PCDHGB5: variants seen among roughly 807,000 people sequenced by gnomAD.
The protein encoded by PCDHGB5 is protocadherin gamma-B5.
PCDHGB5 carries 48 observed loss-of-function variants against 62.9 expected under a neutral mutation model. That is an observed-to-expected ratio of 0.76 (90% CI 0.61 to 0.97). PCDHGB5 has a LOEUF of 0.97. Among genes scored for constraint, PCDHGB5 ranks in the 50% least tolerant of loss-of-function variants. PCDHGB5 has a pLI of 0.00. For synonymous variants in PCDHGB5, 474 were observed against 511.2 expected (o/e 0.93, Z 0.98); for missense variants, 1,118 against 1,198.6 (o/e 0.93, Z 0.99).
At chr5:141,423,091 G>C (rs1243671863) in intron 1 of PCDHGB5, 11 of 1,613,908 alleles carry the variant, frequency 6.8e-6, no homozygotes, top group South Asian at 2.2e-5. Context: ...CGCGGTGGGG[G>C]AGCACACGGG....
At chr5:141,404,897 C>A in intron 1 of PCDHGB5, 1 of 1,613,920 alleles carries the variant, frequency 6.2e-7, no homozygotes, top group African/African-American at 1.3e-5. Context: ...TGTACAGGAC[C>A]ATGGCCAGCC....
chr5:141,491,500 G>A lies in PCDHGB5; in HGVS notation c.2398-3307G>A. ...CAGCCCCAACCTGCAGGTGAGCTCG[G>A]ACGGCACGCTCAAGTACATGGAGGT... On this transcript the variant is annotated intron_variant, in intron 1 of 3. Transcript: ENST00000617380. The surrounding 1 kb of genome is among the most constrained non-coding windows in gnomAD (Gnocchi z 6.9). 3 of 1,614,102 alleles carry A rather than the reference G, an allele frequency of 1.9e-6. No homozygotes were observed. The highest frequency in any genetic ancestry group is 2.7e-5 in the African/African-American group (2 of 75,066).
intron 1 of PCDHGB5, chr5:141,427,083 C>T: frequency 2.2e-6 from 1 of 458,128 alleles, no homozygotes; most frequent in South Asian, 1.5e-5. Flanking sequence ...AGCCACTGAC[C>T]AGGATGAGGG....
At chr5:141,510,863 A>G in intron 3 of PCDHGB5, 84 bp from the exon 4 acceptor site, 1 of 1,607,492 alleles carries the variant, frequency 6.2e-7, no homozygotes, top group African/African-American at 1.3e-5. Flanking sequence ...CTGTATAGGC[A>G]TTCATTAACT....
At chr5:141,418,563 C>T in intron 1 of PCDHGB5, 2 of 1,613,998 alleles carry the variant, frequency 1.2e-6, no homozygotes, top group Non-Finnish European at 1.7e-6. Context: ...GTAATAGATG[C>T]CAATGACAAC....
chr5:141,414,843 G>T (rs2095794241), intron 1 of PCDHGB5: 1 of 1,614,100 alleles, frequency 6.2e-7, no homozygotes, highest in Admixed American at 1.7e-5. Context: ...GCCTGTTTGT[G>T]CTGGACCAGA....
chr5:141,414,263 A>G, intron 1 of PCDHGB5: 1 of 1,613,500 alleles, frequency 6.2e-7, no homozygotes, highest in Non-Finnish European at 8.5e-7. Flanking sequence ...GTGACTGAAG[A>G]TTCACCTCTG....
intron 1 of PCDHGB5, chr5:141,409,866 G>A (rs1268327848): frequency 3.7e-6 from 6 of 1,612,258 alleles, no homozygotes; most frequent in East Asian, 4.5e-5. Context: ...GTGGGAGACC[G>A]CAATGACAAC....
Position 141,510,868 on chromosome 5 carries a change from T to C in PCDHGB5, c.2546-79T>C, listed in dbSNP as rs2099883142. 40 of 1,608,466 alleles carry C rather than the reference T, an allele frequency of 2.5e-5. No homozygotes were observed. The Middle Eastern group carries it at 4.9e-4, about 20-fold the overall frequency. On this transcript the variant is annotated intron_variant, in intron 3 of 3. Transcript: ENST00000617380. The stretch of plus-strand genomic sequence containing the variant: ...GCCCAGGGTGCTGTATAGGCATTCA[T>C]TAACTGCTGGGGATATAAGACAGTG...
At chr5:141,478,488 G>A in intron 1 of PCDHGB5, 1 of 1,613,320 alleles carries the variant, frequency 6.2e-7, no homozygotes, top group Non-Finnish European at 8.5e-7. Context: ...ACGCTGCGGA[G>A]CTGTGATCCG....
intron 1 of PCDHGB5, among the ~76,000 whole-genome samples, chr5:141,402,439 G>C (rs1278186410): frequency 6.6e-6 from 1 of 151,914 alleles, no homozygotes; most frequent in East Asian, 1.9e-4. Context: ...TCATAAAAAG[G>C]AAATTATAAT....
rs1485520054 is a variant in PCDHGB5 at position 141,511,210 on chromosome 5, C to T, written c.*37C>T. 6.2e-7 allele frequency: 1 copy of T among 1,609,328 alleles called. No individual in the cohort carries two copies. The highest frequency in any genetic ancestry group is 1.3e-5 in the African/African-American group (1 of 74,896). ...GGCCAAGAGCCACAGGGCGGCCTCT[C>T]CCCAACCAGCCCAGCTTCTCCTTAC... On this transcript the variant is annotated 3_prime_UTR_variant, in exon 4 of 4. Transcript: ENST00000617380.
intron 1 of PCDHGB5, among the ~76,000 whole-genome samples, chr5:141,480,098 T>C (rs1415853757): frequency 6.6e-6 from 1 of 152,168 alleles, no homozygotes. Context: ...GTATGCAAAG[T>C]GTTTAGCATG....
chr5:141,425,834 C>A (rs925446924), intron 1 of PCDHGB5, among the ~76,000 whole-genome samples: 1 of 152,220 alleles, frequency 6.6e-6, no homozygotes, highest in Non-Finnish European at 1.5e-5. Context: ...CTTTTAAATT[C>A]TCTTTGCTGG....
At position 141,485,402 on chromosome 5, in the gene PCDHGB5, G is replaced by T. The variant is rs375700791; in HGVS notation, c.2398-9405G>T. ...AGAGGTGAACCAAAGACACTTCCGTGTGGATTTGGACAGCGGAGCCCTGCT... is the reference window on the plus strand; with the variant it reads ...AGAGGTGAACCAAAGACACTTCCGTTTGGATTTGGACAGCGGAGCCCTGCT... On this transcript the variant is annotated intron_variant, in intron 1 of 3. Coordinates refer to ENST00000617380, the MANE Select transcript of PCDHGB5 (RefSeq NM_018925.3). This position sits in a 1 kb window ranked among gnomAD's most constrained non-coding sequence, Gnocchi z 5.7. The T allele has an allele frequency of 6.2e-7, 1 of 1,614,194 alleles. No homozygotes were observed. Among genetic ancestry groups the T allele is most frequent in the East Asian group, 2.2e-5 (1 of 44,878 alleles).
chr5:141,476,146 G>C lies in PCDHGB5; in HGVS notation c.2398-18661G>C. 1 of 1,611,402 alleles carries C rather than the reference G, an allele frequency of 6.2e-7. No individual in the cohort carries two copies. On this transcript the variant is annotated intron_variant, in intron 1 of 3. Transcript: ENST00000617380. This position sits in a 1 kb window ranked among gnomAD's most constrained non-coding sequence, Gnocchi z 7.6. ...TCCCAGAGGCCTGGAGGAGCGGACT[G>C]GTAAGCACCGGGAGGGTAGTGGGAG...
intron 1 of PCDHGB5, chr5:141,422,764 G>A: frequency 1.2e-6 from 2 of 1,613,582 alleles, no homozygotes; most frequent in Non-Finnish European, 8.5e-7. Flanking sequence ...CTCCAACACT[G>A]GTGTTCTCTA....
rs769187557 is a variant in PCDHGB5, at chr5:141,433,087, A to C, written c.2397+32563A>C. 2.5e-6 allele frequency: 4 copies of C among 1,614,206 alleles called. No homozygotes were observed. In the Admixed American group the frequency reaches 6.7e-5, roughly 27 times the overall value. On this transcript the variant is annotated intron_variant, in intron 1 of 3. Transcript: ENST00000617380. The stretch of plus-strand genomic sequence containing the variant: ...TGATCTTCCCCCAGCCCAACTATGC[A>C]GACATGCTCGTCAGCCAGGAGAGCT...
rs2099637746 is a variant in PCDHGB5, at chr5:141,486,980, A to G, written c.2398-7827A>G. Reference sequence around the variant, plus strand: ...TGCTGTGGACTTGGATTCAGGTTACAATGCTTGGGTTTCCTATCAGCTCCT... The same window carrying G: ...TGCTGTGGACTTGGATTCAGGTTACGATGCTTGGGTTTCCTATCAGCTCCT... On this transcript the variant is annotated intron_variant, in intron 1 of 3. Coordinates refer to ENST00000617380, the MANE Select transcript of PCDHGB5 (RefSeq NM_018925.3). This position sits in a 1 kb window ranked among gnomAD's most constrained non-coding sequence, Gnocchi z 5.0. The G allele has an allele frequency of 1.2e-6, 2 of 1,614,040 alleles. No individual in the cohort carries two copies. The highest frequency in any genetic ancestry group is 1.3e-5 in the African/African-American group (1 of 74,908).
Sources: allele counts gnomAD v4.1 joint callset (sites outside exome capture counted in the v4.1 genomes callset), GRCh38; gene constraint gnomAD v4.1.1; non-coding constraint Gnocchi (gnomAD v3.1); transcripts MANE v1.5; gene names NCBI Gene and HGNC (gene_info 2026-07-23, HGNC 2026-07-21).